Variants in CDC14B observed in about 807,000 individuals in gnomAD.
CDC14B encodes cell division cycle 14B.
Under a neutral mutation model 64.2 loss-of-function variants are expected in CDC14B, and 22 were observed. The ratio of observed to expected loss-of-function variants is 0.34; its 90% CI spans 0.24 to 0.49. The LOEUF (loss-of-function observed/expected upper bound fraction) is 0.49, where lower values mean the gene tolerates loss of function less well. CDC14B is among the 20% of genes least tolerant of loss of function. CDC14B has a pLI of 0.99. For missense variants in CDC14B, 498 were observed against 629.9 expected, an observed-to-expected ratio of 0.79 and a Z score of 2.24; for synonymous variants, 191 against 215.8, an observed-to-expected ratio of 0.89 and a Z score of 1.01.
intron 6 of CDC14B, among the ~76,000 whole-genome samples, chr9:96,540,851 C>T (rs1394805240): frequency 6.6e-6 from 1 of 152,156 alleles, no homozygotes; most frequent in Non-Finnish European, 1.5e-5. Context: ...CGCCTCAGAG[C>T]TCATGGCAAC....
intron 1 of CDC14B, 44 bp downstream of exon 1, chr9:96,619,175 G>GT: frequency 8.2e-7 from 1 of 1,221,110 alleles, no homozygotes; most frequent in East Asian, 3.4e-5. Flanking sequence ...CCCGCGCCGG[G>GT]TGCGGCCGTC....
At chr9:96,592,723 AG>A (rs1452957919) in intron 1 of CDC14B, among the ~76,000 whole-genome samples, 1 of 152,170 alleles carries the variant, frequency 6.6e-6, no homozygotes, top group Non-Finnish European at 1.5e-5. Context: ...CATTGAGCCA[AG>A]ATCGCGCCAC....
chr9:96,559,866 T>A (rs183687056), intron 4 of CDC14B, among the ~76,000 whole-genome samples: 1 of 152,162 alleles, frequency 6.6e-6, no homozygotes, highest in Non-Finnish European at 1.5e-5. Context: ...ATCTAAGATA[T>A]ATTAACTATA....
At chr9:96,561,739 A>G (rs927857929) in intron 4 of CDC14B, among the ~76,000 whole-genome samples, 3 of 151,802 alleles carry the variant, frequency 2.0e-5, no homozygotes, top group African/African-American at 7.3e-5. Context: ...TGCCCGCCTC[A>G]GCCTCCCAAA....
intron 1 of CDC14B, among the ~76,000 whole-genome samples, chr9:96,576,492 C>T (rs1417601504): frequency 1.3e-5 from 2 of 151,114 alleles, no homozygotes; most frequent in Admixed American, 6.6e-5. Context: ...TTAGCTGGCA[C>T]GGTGGCCATG....
At chr9:96,554,056 C>G (rs1265697483) in intron 4 of CDC14B, among the ~76,000 whole-genome samples, 1 of 152,062 alleles carries the variant, frequency 6.6e-6, no homozygotes, top group Admixed American at 6.6e-5. Context: ...CCCAGCCACT[C>G]AGGAGGCTAA....
intron 1 of CDC14B, among the ~76,000 whole-genome samples, chr9:96,593,462 G>A (rs549220672): frequency 4.7e-5 from 7 of 150,270 alleles, no homozygotes; most frequent in East Asian, 1.9e-4. Flanking sequence ...ACTCCAGAAC[G>A]GGCGACAGAG....
chr9:96,521,320 CTG>C (rs1836682271), intron 12 of CDC14B, among the ~76,000 whole-genome samples: 1 of 152,212 alleles, frequency 6.6e-6, no homozygotes, highest in African/African-American at 2.4e-5. Flanking sequence ...CTCAGGTGAT[CTG>C]CCCACCTTGG....
intron 4 of CDC14B, among the ~76,000 whole-genome samples, chr9:96,560,326 C>A (rs1393571680): frequency 6.6e-6 from 1 of 152,184 alleles, no homozygotes; most frequent in Non-Finnish European, 1.5e-5. Context: ...AGTGTAAAGG[C>A]AAGATCCACA....
intron 13 of CDC14B, among the ~76,000 whole-genome samples, chr9:96,494,163 G>A (rs181274206): frequency 1.3e-5 from 2 of 152,334 alleles, no homozygotes; most frequent in African/African-American, 4.8e-5. Context: ...TACTATTAGG[G>A]AAGGTAGAAA....
In CDC14B at chr9:96,515,330, T is replaced by C. The variant is rs2131393054; in HGVS notation, c.1344-5541A>G. ...CCCAATTATCCTAAGCTAACTACTT[T>C]TGATAGGGAAGAAAAACTGTTTCAG... On this transcript the variant is annotated intron_variant, in intron 12 of 13. Transcript: ENST00000375241. The surrounding 1 kb of genome is among the most constrained non-coding windows in gnomAD (Gnocchi z 4.3). Among the ~76,000 whole-genome samples, 1 of 130,708 alleles carries C rather than the reference T, an allele frequency of 7.7e-6. No individual in the cohort carries two copies. Among genetic ancestry groups the C allele is most frequent in the African/African-American group, 2.5e-5 (1 of 40,184 alleles). The allele number at this position is 130,708 out of a possible 152,430, so 85.7% of individuals were successfully genotyped here.
chr9:96,554,242 TA>T (rs1466461899), intron 4 of CDC14B, among the ~76,000 whole-genome samples: 1 of 151,918 alleles, frequency 6.6e-6, no homozygotes, highest in Admixed American at 6.6e-5. Flanking sequence ...TTGAAGCCAA[TA>T]AAAATAAGAA....
intron 12 of CDC14B, chr9:96,514,558 A>T (rs1835352601): frequency 1.0e-6 from 1 of 985,364 alleles, no homozygotes; most frequent in African/African-American, 1.7e-5. Flanking sequence ...TTTCTCAGCT[A>T]TGTGAAAATA....
exon 14 of CDC14B, chr9:96,493,046 C>G (rs1446514136): frequency 6.6e-6 from 1 of 152,334 alleles, no homozygotes; most frequent in Non-Finnish European, 1.5e-5. Flanking sequence ...TTCTGTTGAT[C>G]AGCAAGTCCA....
At chr9:96,556,998 G>T (rs187836867) in intron 4 of CDC14B, among the ~76,000 whole-genome samples, 4 of 152,292 alleles carry the variant, frequency 2.6e-5, no homozygotes, top group African/African-American at 9.6e-5. Context: ...ACAAGGATGG[G>T]ACCCAAAATT....
chr9:96,511,466 G>A (rs570085700), intron 12 of CDC14B, among the ~76,000 whole-genome samples: 10 of 152,262 alleles, frequency 6.6e-5, no homozygotes, highest in Admixed American at 3.3e-4. Flanking sequence ...AACTACTCAG[G>A]TGGCTGAGGC....
chr9:96,499,863 A>G (rs1289661184), downstream of CDC14B, among the ~76,000 whole-genome samples: 1 of 152,234 alleles, frequency 6.6e-6, no homozygotes, highest in African/African-American at 2.4e-5. Context: ...CCCTGCGAGG[A>G]GGCAGCGCCT....
At chr9:96,505,923 AT>A (rs1462494791) in intron 13 of CDC14B, among the ~76,000 whole-genome samples, 1 of 152,146 alleles carries the variant, frequency 6.6e-6, no homozygotes, top group Admixed American at 6.5e-5. Flanking sequence ...CATCACTCCT[AT>A]TTTTTCAGCT....
Position 96,502,583 on chromosome 9 carries a change from T to C in CDC14B, c.*1170A>G. 1 of 257,590 alleles carries C rather than the reference T, an allele frequency of 3.9e-6. No individual in the cohort carries two copies. Among genetic ancestry groups the C allele is most frequent in the Non-Finnish European group, 6.4e-6 (1 of 155,192 alleles). The allele number at this position is 257,590 out of a possible 1,614,324, so 16.0% of individuals were successfully genotyped here. ...GAGGTGAGTACTATATATTCTTTTA[T>C]TTCGGGCCCCATTTTTTTTTTTTTT... On this transcript the variant is annotated 3_prime_UTR_variant, in exon 14 of 14. Coordinates refer to ENST00000375241, the MANE Select transcript of CDC14B (RefSeq NM_033331.4).
Sources: gnomAD v4.1 joint callset for allele counts (sites outside exome capture counted in the v4.1 genomes callset) on GRCh38, gnomAD v4.1.1 for gene constraint, Gnocchi (gnomAD v3.1) non-coding constraint, MANE v1.5 for transcripts, NCBI Gene and HGNC (gene_info 2026-07-23, HGNC 2026-07-21) for gene names.